The following OPHN1 variants were observed in gnomAD, a reference collection of about 807,000 sequenced individuals.
OPHN1 encodes oligophrenin-1.
OPHN1 carries 11 observed loss-of-function variants against 60.7 expected under a neutral mutation model. The observed-to-expected ratio is 0.18, with a 90% CI of 0.11 to 0.30. The LOEUF (loss-of-function observed/expected upper bound fraction) is 0.30, where lower values mean the gene tolerates loss of function less well. Ranked by LOEUF, OPHN1 falls within the 10% of genes least tolerant of loss-of-function variation. The pLI is 1.00. For missense variants in OPHN1, 449 were observed against 611.0 expected (o/e 0.73, Z 2.80); for synonymous variants, 226 against 222.6 (o/e 1.02, Z -0.14).
At chrX:68,064,468 CA>C (rs968857904) in intron 20 of OPHN1, among the ~76,000 whole-genome samples, 4 of 111,795 alleles carry the variant, frequency 3.6e-5, no homozygotes, top group Non-Finnish European at 7.5e-5. Flanking sequence ...ATATGTCACT[CA>C]AAAAAGACTT....
At chrX:68,295,436 G>A (rs1470195735) in intron 3 of OPHN1, among the ~76,000 whole-genome samples, 1 of 111,903 alleles carries the variant, frequency 8.9e-6, no homozygotes, top group Non-Finnish European at 1.9e-5. Flanking sequence ...ACCTTGTGAG[G>A]TGGATTATAC....
chrX:68,181,215 T>A (rs2077435071), intron 15 of OPHN1, among the ~76,000 whole-genome samples: 1 of 111,155 alleles, frequency 9.0e-6, no homozygotes, highest in African/African-American at 3.3e-5. Context: ...GGTGGCCTGT[T>A]CGAATCATTA....
chrX:68,194,580 TCC>T, intron 12 of OPHN1, 82 bp from the exon 13 acceptor site: 1 of 847,401 alleles, frequency 1.2e-6, no homozygotes. Context: ...TAAATATCTT[TCC>T]CCAGATAGGC....
intron 12 of OPHN1, among the ~76,000 whole-genome samples, 175 bp downstream of exon 12, chrX:68,197,011 T>G (rs1009778566): frequency 1.8e-5 from 2 of 111,400 alleles, no homozygotes; most frequent in African/African-American, 6.5e-5. Context: ...CCTCAACCTT[T>G]CTGGAACTCC....
At chrX:68,385,216 A>G (rs1442015810) in intron 2 of OPHN1, among the ~76,000 whole-genome samples, 1 of 111,320 alleles carries the variant, frequency 9.0e-6, no homozygotes, top group Admixed American at 9.6e-5. Context: ...TCCCCTCTGA[A>G]ATAGGAAGGG....
chrX:68,062,884 C>A (rs1042972328), intron 21 of OPHN1, among the ~76,000 whole-genome samples: 1 of 111,732 alleles, frequency 8.9e-6, no homozygotes, highest in Non-Finnish European at 1.9e-5. Context: ...TCTCAACATG[C>A]AATAGTTAAT....
At chrX:68,422,663 A>G (rs1324808045) in intron 2 of OPHN1, among the ~76,000 whole-genome samples, 1 of 99,179 alleles carries the variant, frequency 1.0e-5, no homozygotes, top group African/African-American at 3.7e-5. Flanking sequence ...GGGAGGAAAG[A>G]AGAAGAAAGG....
intron 15 of OPHN1, among the ~76,000 whole-genome samples, chrX:68,162,021 G>C (rs1344784468): frequency 9.0e-6 from 1 of 111,243 alleles, no homozygotes; most frequent in African/African-American, 3.3e-5. Flanking sequence ...CAACAGGCCA[G>C]TGTGTTTGGG....
intron 2 of OPHN1, among the ~76,000 whole-genome samples, chrX:68,422,439 C>T (rs2078830631): frequency 9.5e-6 from 1 of 104,991 alleles, no homozygotes; most frequent in African/African-American, 3.5e-5. Context: ...GGGAGTATCG[C>T]TTGGGGTTGG....
At chrX:68,166,686 G>A (rs1053552146) in intron 15 of OPHN1, among the ~76,000 whole-genome samples, 1 of 111,193 alleles carries the variant, frequency 9.0e-6, no homozygotes, top group Non-Finnish European at 1.9e-5. Context: ...GTGTAAAAAC[G>A]GACACACAGG....
intron 15 of OPHN1, among the ~76,000 whole-genome samples, chrX:68,175,591 T>G (rs977620435): frequency 3.6e-5 from 4 of 111,593 alleles, no homozygotes; most frequent in Non-Finnish European, 5.6e-5. Flanking sequence ...CTCCCCGATC[T>G]TTTTGTGTCC....
At position 68,111,080 on chromosome X, in the gene OPHN1, T is replaced by C. The variant is rs746268131; in HGVS notation, c.1526+774A>G. ...TATGCAGACAACTGCACTTGCTAAA[T>C]ATATACACTTAAAATACATTACAAT... is the stretch of plus-strand genomic sequence containing the variant. On this transcript the variant is annotated intron_variant, in intron 18 of 24. Coordinates refer to ENST00000355520, the MANE Select transcript of OPHN1 (RefSeq NM_002547.3). Among the ~76,000 whole-genome samples, 41 of 112,182 alleles carry C rather than the reference T, an allele frequency of 3.7e-4. 1 individual carries two copies. Among genetic ancestry groups the C allele is most frequent in the Non-Finnish European group, 4.7e-4 (25 of 53,229 alleles).
intron 5 of OPHN1, among the ~76,000 whole-genome samples, chrX:68,241,894 C>A (rs934728964): frequency 1.8e-5 from 2 of 110,816 alleles, no homozygotes; most frequent in Admixed American, 1.9e-4. Flanking sequence ...GCACTCCAGT[C>A]TGGGCAACAA....
chrX:68,358,052 A>G (rs1488412132), intron 2 of OPHN1, among the ~76,000 whole-genome samples: 1 of 108,573 alleles, frequency 9.2e-6, no homozygotes, highest in African/African-American at 3.3e-5. Flanking sequence ...GCATTTTAGG[A>G]GGCCGAGAGG....
At chrX:68,160,784 A>G (rs2147402106) in intron 15 of OPHN1, among the ~76,000 whole-genome samples, 1 of 111,353 alleles carries the variant, frequency 9.0e-6, no homozygotes, top group South Asian at 3.8e-4. Context: ...TGTTTCAGGG[A>G]AATTTAAAGC....
chrX:68,298,314 G>A (rs962836448), intron 3 of OPHN1, among the ~76,000 whole-genome samples: 7 of 112,060 alleles, frequency 6.2e-5, no homozygotes, highest in Non-Finnish European at 1.3e-4. Flanking sequence ...GTATGGGTAT[G>A]TTCCAATAAA....
At chrX:68,355,465 C>T (rs5965559) in intron 2 of OPHN1, among the ~76,000 whole-genome samples, 9,012 of 111,484 alleles carry the variant, frequency 0.081, 893 homozygotes, top group African/African-American at 0.28. Flanking sequence ...CTGATATAGG[C>T]TATCCAGGGC....
At chrX:68,345,884 A>C (rs1356128300) in intron 2 of OPHN1, among the ~76,000 whole-genome samples, 2 of 112,793 alleles carry the variant, frequency 1.8e-5, no homozygotes, top group African/African-American at 6.4e-5. Context: ...TAATCCCAAC[A>C]CTTTGGGAGG....
intron 15 of OPHN1, among the ~76,000 whole-genome samples, chrX:68,163,545 A>T (rs911802087): frequency 1.8e-5 from 2 of 110,583 alleles, no homozygotes; most frequent in Non-Finnish European, 3.8e-5. Context: ...ATGCAACAAA[A>T]ACGGAATGCA....
Sources: allele counts gnomAD v4.1 joint callset (sites outside exome capture counted in the v4.1 genomes callset), GRCh38; gene constraint gnomAD v4.1.1; transcripts MANE v1.5; gene names NCBI Gene and HGNC (gene_info 2026-07-23, HGNC 2026-07-21).